Variants in SOCS7 observed in about 807,000 individuals in gnomAD.
The protein encoded by SOCS7 is suppressor of cytokine signaling 7, also known as NAP-4.
Under a neutral mutation model 58.9 loss-of-function variants are expected in SOCS7, and 18 were observed. The ratio of observed to expected loss-of-function variants is 0.31; its 90% CI spans 0.21 to 0.45. The LOEUF is 0.45. Among genes scored for constraint, SOCS7 ranks in the 20% least tolerant of loss-of-function variants. The pLI is 1.00. For synonymous variants in SOCS7, 388 were observed against 364.3 expected (o/e 1.06, Z -0.74); for missense variants, 667 against 837.3 (o/e 0.80, Z 2.51).
rs2038232775 is a variant in SOCS7, at chr17:38,395,442, T to G, written c.1815T>G (p.Pro605=). 6.2e-7 allele frequency: 1 copy of G among 1,613,608 alleles called. No individual in the cohort carries two copies. Among genetic ancestry groups the G allele is most frequent in the Admixed American group, 1.7e-5 (1 of 59,996 alleles). Residue 605 remains proline (P), a splice_region_variant and synonymous_variant, in exon 8 of 10, where the codon CCT becomes CCG. Transcript: ENST00000612932. ...ATCACATCCCAGATCTCCCACTGCC[T>G]AAGTACAATGGGGTTGTCAGGTTTG... The part of the protein sequence containing the change: ...RIDHIPDLPL[P]KPLISYIRKF...
At chr17:38,377,901 C>A in intron 7 of SOCS7, 59 bp downstream of exon 7, 1 of 1,513,120 alleles carries the variant, frequency 6.6e-7, no homozygotes, top group South Asian at 1.2e-5. Context: ...AGTTTAGTGT[C>A]AAAAAACACC....
chr17:38,373,405 G>A (rs758471333), intron 6 of SOCS7, among the ~76,000 whole-genome samples: 1 of 152,152 alleles, frequency 6.6e-6, no homozygotes, highest in Non-Finnish European at 1.5e-5. Flanking sequence ...GAAGATGAAA[G>A]TGCCCTATTC....
At chr17:38,399,073 G>A (rs1236330720) in intron 9 of SOCS7, among the ~76,000 whole-genome samples, 2 of 148,438 alleles carry the variant, frequency 1.3e-5, no homozygotes, top group African/African-American at 5.0e-5. Flanking sequence ...GGGTGACAGA[G>A]CGAGACTCCG....
chr17:38,361,897 T>A, intron 2 of SOCS7, 122 bp downstream of exon 2: 7 of 706,438 alleles, frequency 9.9e-6, no homozygotes, highest in Non-Finnish European at 1.7e-5. Flanking sequence ...TTTCCTTCAT[T>A]CCATGCTTAG....
intron 1 of SOCS7, among the ~76,000 whole-genome samples, chr17:38,357,936 A>G (rs962861123): frequency 6.6e-6 from 1 of 152,224 alleles, no homozygotes; most frequent in African/African-American, 2.4e-5. Flanking sequence ...GTCTAGTCTA[A>G]TGCTTTTAAC....
chr17:38,367,644 G>A (rs940909580), intron 5 of SOCS7, among the ~76,000 whole-genome samples: 4 of 152,242 alleles, frequency 2.6e-5, no homozygotes, highest in African/African-American at 9.6e-5. Flanking sequence ...AAAGTGTTGG[G>A]ATTACAGGCA....
Position 38,352,211 on chromosome 17 carries a change from G to C in SOCS7, c.159G>C (p.Arg53=). The C allele has an allele frequency of 2.2e-6, 3 of 1,342,834 alleles. No homozygotes were observed. The highest frequency in any genetic ancestry group is 2.0e-5 in the South Asian group (1 of 51,256). The allele number at this position is 1,342,834 out of a possible 1,614,324, so 83.2% of individuals were successfully genotyped here. ...HGPPPPPFLA[R]PGPRGSRPPQ... ...CCCCGCCGCCACCCTTCCTCGCGCG[G>C]CCCGGCCCGCGGGGCTCCCGGCCGC... Residue 53 remains arginine, a synonymous_variant, in exon 1 of 10, where the codon CGG becomes CGC. Coordinates refer to ENST00000612932, the MANE Select transcript of SOCS7 (RefSeq NM_014598.4). This position sits in a 1 kb window ranked among gnomAD's most constrained non-coding sequence, Gnocchi z 5.5.
chr17:38,384,791 C>T (rs1287822552), intron 7 of SOCS7, among the ~76,000 whole-genome samples: 3 of 151,680 alleles, frequency 2.0e-5, no homozygotes, highest in African/African-American at 7.3e-5. Context: ...CAGGGTTTTA[C>T]CATGTTGGTC....
At position 38,381,946 on chromosome 17, in the gene SOCS7, CAAAAAA is replaced by C. The variant is rs55949628; in HGVS notation, c.1681+4127_1681+4132del. Among the ~76,000 whole-genome samples, 9 of 17,668 alleles carry C rather than the reference CAAAAAA, an allele frequency of 5.1e-4. 1 individual carries two copies. The East Asian group carries it at 8.7e-3, about 17-fold the overall frequency. The allele number at this position is 17,668 out of a possible 152,430, so 11.6% of individuals were successfully genotyped here. ...CCACTGCACTCCAAAGACTCTGTCT[CAAAAAA>C]AAAAAAAAAAAAAAAAAAAAAACCT... On this transcript the variant is annotated intron_variant, in intron 7 of 9. Transcript: ENST00000612932.
Position 38,365,341 on chromosome 17 carries a change from T to C in SOCS7, c.1184T>C (p.Leu395Pro). Reference sequence around the variant, plus strand: ...AGTGGGACGCTGCCTACATCTGTCCTTGTGGCTCCGATGGGGTCTTCCTTG... The same window carrying C: ...AGTGGGACGCTGCCTACATCTGTCCCTGTGGCTCCGATGGGGTCTTCCTTG... ...DISGTLPTSV[L>P]VAPMGSSLQS... The change falls in exon 4 of 10, where the codon CTT becomes CCT. Residue 395 changes from leucine (L) to proline (P), a missense_variant. This residue lies in a region of SOCS7 where 99 missense variants were observed against 122.9 expected (regional missense o/e 0.81). Coordinates refer to ENST00000612932, the MANE Select transcript of SOCS7 (RefSeq NM_014598.4). The C allele has an allele frequency of 6.2e-7, 1 of 1,613,308 alleles. No homozygotes were observed. The highest frequency in any genetic ancestry group is 8.5e-7 in the Non-Finnish European group (1 of 1,179,632).
intron 7 of SOCS7, among the ~76,000 whole-genome samples, chr17:38,390,723 T>C (rs2038162337): frequency 6.7e-6 from 1 of 150,312 alleles, no homozygotes; most frequent in Non-Finnish European, 1.5e-5. Flanking sequence ...TTTTTTTTTT[T>C]TGTCCCACTG....
In SOCS7 at chr17:38,352,767, C is replaced by T; in HGVS notation, c.715C>T (p.Leu239=). 6.5e-7 allele frequency: 1 copy of T among 1,550,110 alleles called. No individual in the cohort carries two copies. The highest frequency in any genetic ancestry group is 8.7e-7 in the Non-Finnish European group (1 of 1,147,152). The change falls in exon 1 of 10, where the codon CTG becomes TTG. Residue 239 remains leucine, a synonymous_variant. Coordinates refer to ENST00000612932, the MANE Select transcript of SOCS7 (RefSeq NM_014598.4). The surrounding 1 kb of genome is among the most constrained non-coding windows in gnomAD (Gnocchi z 5.5). Reference sequence around the variant, plus strand: ...GCAGGACTTGGTCCCTCTGGGGCGCCTGAGTAGAGGGGAGCAGCAGCAGCA... The same window carrying T: ...GCAGGACTTGGTCCCTCTGGGGCGCTTGAGTAGAGGGGAGCAGCAGCAGCA... The part of the protein sequence containing the change: ...PLQDLVPLGR[L]SRGEQQQQQQ...
intron 7 of SOCS7, among the ~76,000 whole-genome samples, chr17:38,390,937 C>T (rs1318718792): frequency 6.6e-6 from 1 of 152,084 alleles, no homozygotes; most frequent in Non-Finnish European, 1.5e-5. Context: ...CTCAAGCCAT[C>T]CACCTTGCCT....
chr17:38,361,708 T>A lies in SOCS7; in HGVS notation c.981-3T>A, dbSNP rs112843196. The A allele has an allele frequency of 6.2e-7, 1 of 1,612,792 alleles. No homozygotes were observed. On this transcript the variant is annotated splice_region_variant and splice_polypyrimidine_tract_variant and intron_variant, in intron 1 of 9. Transcript: ENST00000612932. ...ATTCTCTCTCTGCTTTCTCACTCCCTAGGAAACCCAAGTTGACAAGAACTC... is the reference window on the plus strand; with the variant it reads ...ATTCTCTCTCTGCTTTCTCACTCCCAAGGAAACCCAAGTTGACAAGAACTC...
chr17:38,368,533 G>A (rs368642933), intron 6 of SOCS7, among the ~76,000 whole-genome samples: 12 of 149,968 alleles, frequency 8.0e-5, no homozygotes, highest in East Asian at 2.0e-4. Context: ...ACAGAGTCTC[G>A]CTCTGTTGCC....
At chr17:38,382,214 A>G (rs2038012243) in intron 7 of SOCS7, among the ~76,000 whole-genome samples, 1 of 151,868 alleles carries the variant, frequency 6.6e-6, no homozygotes, top group African/African-American at 2.4e-5. Context: ...GGATTGTTTG[A>G]GCCCAAGAGT....
chr17:38,364,781 A>G lies in SOCS7; in HGVS notation c.1075A>G (p.Ile359Val), dbSNP rs985429176. Residue 359 changes from isoleucine (I) to valine (V), a missense_variant, in exon 3 of 10, where the codon ATT becomes GTT. Physicochemically the swap from Ile to Val is conservative, Grantham distance 29. This residue lies in a region of SOCS7 where 99 missense variants were observed against 122.9 expected (regional missense o/e 0.81). Transcript: ENST00000612932. ...GETVSLVDVDISQRGLTSPHP... is the reference protein window; with the variant it reads ...GETVSLVDVDVSQRGLTSPHP... ...AACTGTGTCGCTTGTGGATGTGGAC[A>G]TTTCTCAGCGGGGCCTGACCTCTCC... The G allele has an allele frequency of 8.1e-6, 13 of 1,613,636 alleles. No homozygotes were observed. In the Admixed American group the frequency reaches 8.3e-5, roughly 10 times the overall value.
chr17:38,363,480 C>T (rs587648653), intron 2 of SOCS7, among the ~76,000 whole-genome samples: 7 of 152,170 alleles, frequency 4.6e-5, no homozygotes, highest in Non-Finnish European at 1.0e-4. Flanking sequence ...GGACTATAGG[C>T]ATGCACCACC....
In SOCS7 at chr17:38,352,801, A is replaced by G. The variant is rs923431253; in HGVS notation, c.749A>G (p.Gln250Arg). 4.5e-6 allele frequency: 7 copies of G among 1,553,268 alleles called. No individual in the cohort carries two copies. The highest frequency in any genetic ancestry group is 6.1e-6 in the Non-Finnish European group (7 of 1,148,992). The change falls in exon 1 of 10, where the codon CAG (glutamine) becomes CGG (arginine). Residue 250 changes from glutamine (Q) to arginine (R), a missense_variant. This residue lies in a region of SOCS7 where 208 missense variants were observed against 190.3 expected (regional missense o/e 1.09). Coordinates refer to ENST00000612932, the MANE Select transcript of SOCS7 (RefSeq NM_014598.4). The surrounding 1 kb of genome is among the most constrained non-coding windows in gnomAD (Gnocchi z 5.5). ...GGGGAGCAGCAGCAGCAGCAGCAGC[A>G]GCAACCTCCCCCGCCCCCGCCTCCT... ...SRGEQQQQQQQQPPPPPPPPG... is the reference protein window; with the variant it reads ...SRGEQQQQQQRQPPPPPPPPG...
Sources: allele counts gnomAD v4.1 joint callset (sites outside exome capture counted in the v4.1 genomes callset), GRCh38; gene constraint gnomAD v4.1.1; regional missense constraint gnomAD v4.1.1; non-coding constraint Gnocchi (gnomAD v3.1); transcripts MANE v1.5; gene names NCBI Gene and HGNC (gene_info 2026-07-23, HGNC 2026-07-21).